The following CCDC7 variants were observed in gnomAD, a reference collection of about 807,000 sequenced individuals.
CCDC7 encodes the protein coiled-coil domain containing 7.
CCDC7 carries 183 observed loss-of-function variants against 196.9 expected under a neutral mutation model. The ratio of observed to expected loss-of-function variants is 0.93; its 90% CI spans 0.82 to 1.05. The LOEUF (loss-of-function observed/expected upper bound fraction) is 1.05. CCDC7 is among the 50% of genes least tolerant of loss of function. CCDC7 has a pLI of 0.00. For synonymous variants in CCDC7, 525 were observed against 484.6 expected (o/e 1.08, Z -1.10); for missense variants, 1,540 against 1,482.2 (o/e 1.04, Z -0.64).
At chr10:32,785,191 C>T (rs1179883318) in intron 29 of CCDC7, among the ~76,000 whole-genome samples, 1 of 152,132 alleles carries the variant, frequency 6.6e-6, no homozygotes, top group South Asian at 2.1e-4. Flanking sequence ...TTATAGAACA[C>T]TTCACTCAAT....
intron 21 of CCDC7, among the ~76,000 whole-genome samples, chr10:32,677,633 T>C (rs1275334177): frequency 6.6e-6 from 1 of 152,196 alleles, no homozygotes; most frequent in Non-Finnish European, 1.5e-5. Context: ...TTTTTTTCTT[T>C]CCATTTTCAA....
At chr10:32,722,571 A>G (rs1412201430) in intron 25 of CCDC7, among the ~76,000 whole-genome samples, 2 of 151,984 alleles carry the variant, frequency 1.3e-5, no homozygotes, top group East Asian at 1.9e-4. Context: ...CATCACCCCA[A>G]TCTCTGCCTT....
chr10:32,636,279 G>T (rs990052445), intron 20 of CCDC7, among the ~76,000 whole-genome samples: 1 of 152,000 alleles, frequency 6.6e-6, no homozygotes, highest in African/African-American at 2.4e-5. Flanking sequence ...TGCACAACGT[G>T]CAGGTTTGTT....
At chr10:32,607,402 A>C (rs1216969504) in intron 18 of CCDC7, among the ~76,000 whole-genome samples, 1 of 152,206 alleles carries the variant, frequency 6.6e-6, no homozygotes, top group Non-Finnish European at 1.5e-5. Flanking sequence ...TCGTTGTCCT[A>C]TTTTAAATCT....
At chr10:32,576,302 T>A (rs1424612635) in intron 16 of CCDC7, among the ~76,000 whole-genome samples, 2 of 144,320 alleles carry the variant, frequency 1.4e-5, no homozygotes, top group African/African-American at 5.2e-5. Context: ...CAAAGGGGGT[T>A]AAAAAAAAAA....
chr10:32,613,885 A>G (rs1271083641), intron 18 of CCDC7, among the ~76,000 whole-genome samples: 1 of 152,174 alleles, frequency 6.6e-6, no homozygotes, highest in Non-Finnish European at 1.5e-5. Context: ...TTTTGGGTGA[A>G]GAGTTCTGTA....
intron 14 of CCDC7, among the ~76,000 whole-genome samples, chr10:32,566,819 G>A (rs989416638): frequency 1.3e-5 from 2 of 149,938 alleles, no homozygotes; most frequent in African/African-American, 2.5e-5. Flanking sequence ...GGCTGAGGTG[G>A]GGGGATAACT....
intron 29 of CCDC7, among the ~76,000 whole-genome samples, chr10:32,779,423 C>A (rs1371766209): frequency 6.6e-6 from 1 of 152,112 alleles, no homozygotes; most frequent in Non-Finnish European, 1.5e-5. Context: ...ATTTCTTATA[C>A]CATCTTTTGT....
At chr10:32,595,969 G>A (rs1291601444) in intron 18 of CCDC7, among the ~76,000 whole-genome samples, 2 of 152,098 alleles carry the variant, frequency 1.3e-5, no homozygotes, top group African/African-American at 4.8e-5. Flanking sequence ...CCAACTATGT[G>A]GTCAATTTTG....
At chr10:32,633,041 T>G (rs2065091357) in intron 18 of CCDC7, among the ~76,000 whole-genome samples, 1 of 152,184 alleles carries the variant, frequency 6.6e-6, no homozygotes. Flanking sequence ...AAGTGGGATG[T>G]TAAAGTCTCC....
chr10:32,496,579 C>A (rs1004076836), intron 9 of CCDC7, among the ~76,000 whole-genome samples: 1 of 152,106 alleles, frequency 6.6e-6, no homozygotes, highest in Non-Finnish European at 1.5e-5. Context: ...ATACCTAGTT[C>A]ATTGAGAATT....
At chr10:32,651,341 G>A (rs530984007) in intron 20 of CCDC7, among the ~76,000 whole-genome samples, 3 of 152,316 alleles carry the variant, frequency 2.0e-5, no homozygotes, top group South Asian at 4.1e-4. Context: ...GCCTCAGCAT[G>A]TGAGTCTTTT....
chr10:32,625,720 T>C (rs1340070799), intron 18 of CCDC7, among the ~76,000 whole-genome samples: 1 of 152,090 alleles, frequency 6.6e-6, no homozygotes. Context: ...TTTGACATCA[T>C]CTCTTTATTA....
At chr10:32,671,845 T>C (rs1469872587) in intron 21 of CCDC7, among the ~76,000 whole-genome samples, 1 of 152,002 alleles carries the variant, frequency 6.6e-6, no homozygotes, top group Non-Finnish European at 1.5e-5. Flanking sequence ...GGAACTGAGG[T>C]TGGTGATGAC....
chr10:32,563,778 A>G (rs1301724598), intron 13 of CCDC7, among the ~76,000 whole-genome samples: 1 of 152,224 alleles, frequency 6.6e-6, no homozygotes, highest in Non-Finnish European at 1.5e-5. Context: ...AGCAATGGCA[A>G]CAAAAGCCAA....
intron 29 of CCDC7, among the ~76,000 whole-genome samples, chr10:32,804,100 C>T (rs2085341962): frequency 6.6e-6 from 1 of 152,128 alleles, no homozygotes; most frequent in East Asian, 1.9e-4. Flanking sequence ...TAGGTAACAA[C>T]TGGTTTTAGT....
At chr10:32,755,188 G>A (rs150063805) in intron 28 of CCDC7, among the ~76,000 whole-genome samples, 1 of 152,144 alleles carries the variant, frequency 6.6e-6, no homozygotes, top group Non-Finnish European at 1.5e-5. Context: ...CCACCTCTGG[G>A]GGCAGGGTAG....
intron 24 of CCDC7, among the ~76,000 whole-genome samples, chr10:32,701,120 C>A (rs903191257): frequency 1.3e-5 from 2 of 152,186 alleles, no homozygotes; most frequent in Non-Finnish European, 1.5e-5. Flanking sequence ...GAGAGGGCAT[C>A]CCTGTCTTGT....
chr10:32,834,864 G>A (rs1487824588), exon 33 of CCDC7: 1 of 1,462,652 alleles, frequency 6.8e-7, no homozygotes, highest in African/African-American at 1.4e-5. Context: ...ATATAATAAA[G>A]CATCTAATCA....
Sources: gnomAD v4.1 joint callset for allele counts (sites outside exome capture counted in the v4.1 genomes callset) on GRCh38, gnomAD v4.1.1 for gene constraint, MANE v1.5 for transcripts, NCBI Gene and HGNC (gene_info 2026-07-23, HGNC 2026-07-21) for gene names.